Variants in GLIS1 observed in about 807,000 individuals in gnomAD.
GLIS1 encodes the protein GLIS family zinc finger 1.
In GLIS1, 24 loss-of-function variants were observed where a neutral mutation model predicts 63.8. That is an observed-to-expected ratio of 0.38 (90% CI 0.27 to 0.53). The LOEUF is 0.53. Among genes scored for constraint, GLIS1 ranks in the 20% least tolerant of loss-of-function variants. GLIS1 has a pLI of 0.85. For missense variants in GLIS1, 1,036 were observed against 1,074.1 expected (o/e 0.96, Z 0.50); for synonymous variants, 450 against 482.5 (o/e 0.93, Z 0.88).
chr1:53,632,563 G>A (rs1487073562), intron 2 of GLIS1, among the ~76,000 whole-genome samples: 1 of 149,834 alleles, frequency 6.7e-6, no homozygotes, highest in African/African-American at 2.5e-5. Flanking sequence ...GTGAATGAGT[G>A]TGACTGAGGG....
At chr1:53,557,517 T>C (rs1420725083) in intron 4 of GLIS1, among the ~76,000 whole-genome samples, 1 of 152,116 alleles carries the variant, frequency 6.6e-6, no homozygotes, top group Non-Finnish European at 1.5e-5. Flanking sequence ...CTTGGAGGTC[T>C]GTAGAAATGG....
Position 53,572,049 on chromosome 1 carries a change from C to CAGTA in GLIS1, c.1320+22055_1320+22058dup, listed in dbSNP as rs1235358887. Among the ~76,000 whole-genome samples, 7 of 152,252 alleles carry CAGTA rather than the reference C, an allele frequency of 4.6e-5. No homozygotes were observed. The East Asian group carries it at 1.4e-3, about 29-fold the overall frequency. ...CAGCGAACACTAAACAGAAAATAGG[C>CAGTA]AGTAGTTCCAGGAATTCACAGATGT... On this transcript the variant is annotated intron_variant, in intron 4 of 10. Transcript: ENST00000628545.
chr1:53,602,948 G>A (rs982351624), intron 2 of GLIS1, among the ~76,000 whole-genome samples: 1 of 152,212 alleles, frequency 6.6e-6, no homozygotes, highest in African/African-American at 2.4e-5. Flanking sequence ...TCTGCCAGGA[G>A]GGTAAGCCCG....
intron 4 of GLIS1, among the ~76,000 whole-genome samples, chr1:53,583,234 GCCA>G (rs1232978628): frequency 6.6e-6 from 1 of 152,172 alleles, no homozygotes; most frequent in Non-Finnish European, 1.5e-5. Context: ...CAGCAATCCA[GCCA>G]CCGCCCTGTG....
At chr1:53,520,903 T>G (rs1442581505) in intron 6 of GLIS1, 137 bp from the exon 7 acceptor site, 21 of 942,580 alleles carry the variant, frequency 2.2e-5, no homozygotes, top group Non-Finnish European at 2.1e-5. Context: ...CAGTTCCCCA[T>G]CTGTGAAATG....
chr1:53,737,816 G>A lies in GLIS1; in HGVS notation c.249C>T (p.Ala83=), dbSNP rs1442691187. 3.2e-6 allele frequency: 4 copies of A among 1,230,964 alleles called. No homozygotes were observed. Among genetic ancestry groups the A allele is most frequent in the Non-Finnish European group, 3.0e-6 (3 of 987,470 alleles). 76.3% of individuals were successfully genotyped at this position (1,230,964 alleles called of 1,614,324 possible). Residue 83 remains alanine, a synonymous_variant, in exon 2 of 11, where the codon GCC becomes GCT. Transcript: ENST00000628545. ...CAGGGCCGAACTCACCCTTCCCGGC[G>A]GCGGCGGCCTTGGATGGACCGTAGT... The part of the protein sequence containing the change: ...PRDYGPSKAA[A]AGKVNGSYGH...
intron 10 of GLIS1, 93 bp from the exon 11 acceptor site, chr1:53,506,869 G>T: frequency 7.8e-7 from 1 of 1,276,482 alleles, no homozygotes; most frequent in Non-Finnish European, 1.1e-6. Flanking sequence ...GCCTGCCCAG[G>T]GTCATCCCCT....
chr1:53,638,663 C>G (rs139123129), intron 2 of GLIS1, among the ~76,000 whole-genome samples: 1 of 152,338 alleles, frequency 6.6e-6, no homozygotes, highest in Non-Finnish European at 1.5e-5. Context: ...CATGTCCCAA[C>G]TGCACATCCC....
intron 2 of GLIS1, among the ~76,000 whole-genome samples, chr1:53,701,998 GAAAAAAA>G (rs919008620): frequency 1.1e-3 from 62 of 56,306 alleles, no homozygotes; most frequent in African/African-American, 1.9e-3. Context: ...ACCTAAAAAA[GAAAAAAA>G]AAAAAAAAAA....
intron 2 of GLIS1, among the ~76,000 whole-genome samples, chr1:53,665,000 G>T (rs896741767): frequency 3.3e-5 from 5 of 152,136 alleles, no homozygotes; most frequent in African/African-American, 1.2e-4. Flanking sequence ...TGGGGCGAGG[G>T]GGGCACTGCT....
chr1:53,610,858 C>T (rs1386228872), intron 2 of GLIS1, among the ~76,000 whole-genome samples: 1 of 152,090 alleles, frequency 6.6e-6, no homozygotes, highest in Non-Finnish European at 1.5e-5. Context: ...TTTGAATTTT[C>T]CATCCTTTTT....
At chr1:53,529,988 G>A (rs113459226) in intron 4 of GLIS1, 36 bp from the exon 5 acceptor site, 60 of 1,599,530 alleles carry the variant, frequency 3.8e-5, no homozygotes, top group African/African-American at 1.9e-4. Context: ...CTCCCAGCCC[G>A]GTGGGCACCC....
rs564676952 is a variant in GLIS1, at chr1:53,560,320, G to A, written c.1321-30368C>T. On this transcript the variant is annotated intron_variant, in intron 4 of 10. Coordinates refer to ENST00000628545, the MANE Select transcript of GLIS1 (RefSeq NM_001367484.1). The surrounding 1 kb of genome is among the most constrained non-coding windows in gnomAD (Gnocchi z 4.4). Reference sequence around the variant, plus strand: ...TGAGGGAAGACAAGGAGCCCTAGGGGTTGCTGGGCCTGCCCCTGCCCAGCA... The same window carrying A: ...TGAGGGAAGACAAGGAGCCCTAGGGATTGCTGGGCCTGCCCCTGCCCAGCA... 5.3e-5 allele frequency among the ~76,000 whole-genome samples: 8 copies of A among 152,310 alleles called. No individual in the cohort carries two copies. Among genetic ancestry groups the A allele is most frequent in the South Asian group, 2.1e-4 (1 of 4,830 alleles).
chr1:53,655,948 T>C (rs1645961142), intron 2 of GLIS1, among the ~76,000 whole-genome samples: 1 of 152,188 alleles, frequency 6.6e-6, no homozygotes. Context: ...AAGTGGTTTG[T>C]CTAAGATCCC....
intron 4 of GLIS1, among the ~76,000 whole-genome samples, chr1:53,570,819 A>G (rs1404312867): frequency 6.6e-6 from 1 of 152,240 alleles, no homozygotes. Context: ...TCTAATTCCA[A>G]TGGATTAAAA....
At chr1:53,532,789 C>CGATA (rs1320554453) in intron 4 of GLIS1, among the ~76,000 whole-genome samples, 5 of 152,202 alleles carry the variant, frequency 3.3e-5, no homozygotes, top group African/African-American at 1.2e-4. Flanking sequence ...GGACCATGAT[C>CGATA]GATACATCAT....
chr1:53,525,217 T>C (rs1644453551), intron 5 of GLIS1, among the ~76,000 whole-genome samples: 1 of 151,756 alleles, frequency 6.6e-6, no homozygotes, highest in African/African-American at 2.4e-5. Context: ...GTCCACCCTT[T>C]GGACCCCACA....
rs57607550 is a variant in GLIS1 at position 53,597,176 on chromosome 1, TAAAAAAAAAAAAA to T, written c.438-2199_438-2187del. Among the ~76,000 whole-genome samples, 70 of 19,322 alleles carry T rather than the reference TAAAAAAAAAAAAA, an allele frequency of 3.6e-3. 1 individual carries two copies. The highest frequency in any genetic ancestry group is 7.1e-3 in the African/African-American group (51 of 7,204). The allele number at this position is 19,322 out of a possible 152,430, so 12.7% of individuals were successfully genotyped here. A position where few individuals can be genotyped will look rare whatever the true frequency, so the allele number is the denominator to read the frequency against. On this transcript the variant is annotated intron_variant, in intron 3 of 10. Transcript: ENST00000628545. Reference sequence around the variant, plus strand: ...TGGCCTGGTGAAACCCTGTCTCTACTAAAAAAAAAAAAAAAAAAAAAAAAAAAAAAAAAAACAC... The same window carrying T: ...TGGCCTGGTGAAACCCTGTCTCTACTAAAAAAAAAAAAAAAAAAAAAACAC...
intron 4 of GLIS1, among the ~76,000 whole-genome samples, chr1:53,569,663 A>G (rs187660851): frequency 2.2e-4 from 34 of 152,272 alleles, no homozygotes; most frequent in Admixed American, 1.9e-3. Context: ...AATGTTCTTT[A>G]TTCACATCTA....
Sources: gnomAD v4.1 joint callset for allele counts (sites outside exome capture counted in the v4.1 genomes callset) on GRCh38, gnomAD v4.1.1 for gene constraint, Gnocchi (gnomAD v3.1) non-coding constraint, MANE v1.5 for transcripts, NCBI Gene and HGNC (gene_info 2026-07-23, HGNC 2026-07-21) for gene names.